ABI2: variants seen among roughly 807,000 people sequenced by gnomAD.
The protein encoded by ABI2 is abelson interactor 2.
Under a neutral mutation model 59.2 loss-of-function variants are expected in ABI2, and 25 were observed. The ratio of observed to expected loss-of-function variants is 0.42; its 90% confidence interval spans 0.31 to 0.59. The LOEUF is 0.59. ABI2 is among the 20% of genes least tolerant of loss of function. ABI2 has a pLI of 0.14. For missense variants in ABI2, 545 were observed against 681.8 expected (o/e 0.80, Z 2.23); for synonymous variants, 213 against 235.5 (o/e 0.90, Z 0.87).
chr2:203,381,081 A>C (rs2153218872), intron 3 of ABI2, among the ~76,000 whole-genome samples: 1 of 152,306 alleles, frequency 6.6e-6, no homozygotes, highest in East Asian at 1.9e-4. Context: ...ACATGCTTAT[A>C]ATGATACTGT....
rs543241755 is a variant in ABI2 at position 203,346,786 on chromosome 2, G to A, written c.117+18155G>A. Among the ~76,000 whole-genome samples the A allele has an allele frequency of 1.6e-4, 25 of 152,298 alleles. No individual in the cohort carries two copies. In the South Asian group the frequency reaches 5.0e-3, roughly 30 times the overall value. The stretch of plus-strand genomic sequence containing the variant: ...AAGAGCAGGGACAAAATAATAACCT[G>A]TGGCCAAAAGGAGGGGATGTGATGT... On this transcript the variant is annotated intron_variant, in intron 1 of 11. Coordinates refer to ENST00000261018, the MANE Select transcript of ABI2 (RefSeq NM_001375670.1).
intron 1 of ABI2, among the ~76,000 whole-genome samples, chr2:203,356,344 A>G (rs2091955325): frequency 6.6e-6 from 1 of 151,962 alleles, no homozygotes; most frequent in Admixed American, 6.6e-5. Flanking sequence ...ACACCAGGCT[A>G]ATTTTTTAAT....
chr2:203,364,250 C>T (rs1207984824), intron 1 of ABI2, among the ~76,000 whole-genome samples: 5 of 151,384 alleles, frequency 3.3e-5, no homozygotes, highest in African/African-American at 7.3e-5. Flanking sequence ...TCTGTCACCA[C>T]ACCCAGCTAA....
chr2:203,395,933 A>T (rs1413097571), intron 7 of ABI2, among the ~76,000 whole-genome samples, 153 bp downstream of exon 7: 1 of 152,174 alleles, frequency 6.6e-6, no homozygotes. Context: ...TTTGTAAGCA[A>T]GTGATTTGTA....
intron 9 of ABI2, among the ~76,000 whole-genome samples, chr2:203,403,647 A>ATC (rs941537465): frequency 2.7e-5 from 4 of 150,578 alleles, no homozygotes; most frequent in African/African-American, 9.8e-5. Flanking sequence ...TCATTTTCTT[A>ATC]TATCTTATAG....
chr2:203,357,001 A>G (rs1477291366), intron 1 of ABI2, among the ~76,000 whole-genome samples: 2 of 151,658 alleles, frequency 1.3e-5, no homozygotes, highest in African/African-American at 4.8e-5. Context: ...AGAAAACTAA[A>G]AAACGATTAC....
At chr2:203,394,661 T>G (rs751443126) in intron 5 of ABI2, 39 bp from the exon 6 acceptor site, 1 of 1,579,810 alleles carries the variant, frequency 6.3e-7, no homozygotes. Context: ...GTGCCGAAAC[T>G]TGCTTAATCA....
Position 203,364,749 on chromosome 2 carries a change from T to TC in ABI2, c.118-2127dup, listed in dbSNP as rs764793924. 8.0e-4 allele frequency among the ~76,000 whole-genome samples: 119 copies of TC among 149,252 alleles called. 1 individual carries two copies. The highest frequency in any genetic ancestry group is 9.8e-4 in the East Asian group (5 of 5,092). ...TATTTTTTTAATTTTTTTTTTTTTTTCAAGAGACAGGGTCTTGCTTTGTTA... is the reference window on the plus strand; with the variant it reads ...TATTTTTTTAATTTTTTTTTTTTTTTCCAAGAGACAGGGTCTTGCTTTGTTA... On this transcript the variant is annotated intron_variant, in intron 1 of 11. Transcript: ENST00000261018.
intron 1 of ABI2, among the ~76,000 whole-genome samples, chr2:203,336,868 C>T (rs1019200127): frequency 2.0e-5 from 3 of 152,160 alleles, no homozygotes; most frequent in African/African-American, 7.2e-5. Context: ...TACAAATTGC[C>T]AAACTCTTTT....
intron 1 of ABI2, among the ~76,000 whole-genome samples, chr2:203,360,902 A>G (rs576334152): frequency 1.3e-5 from 2 of 152,342 alleles, no homozygotes; most frequent in South Asian, 4.1e-4. Flanking sequence ...TTATGAAATC[A>G]GCAAGGACCA....
rs143562294 is a variant in ABI2 at position 203,363,525 on chromosome 2, C to T, written c.118-3352C>T. Among the ~76,000 whole-genome samples, 757 of 152,118 alleles carry T rather than the reference C, an allele frequency of 5.0e-3. 10 individuals are homozygous for T. The highest frequency in any genetic ancestry group is 0.017 in the African/African-American group (718 of 41,490). ...TCTACCTCCTCCTGTCCTACCTCCC[C>T]ACTTTCCCCCTACCCTTCCCATCCT... is the stretch of plus-strand genomic sequence containing the variant. On this transcript the variant is annotated intron_variant, in intron 1 of 11. Transcript: ENST00000261018.
chr2:203,373,162 G>C (rs1357623460), intron 2 of ABI2, among the ~76,000 whole-genome samples: 1 of 152,176 alleles, frequency 6.6e-6, no homozygotes, highest in Non-Finnish European at 1.5e-5. Context: ...CTGCACTCCA[G>C]CCTGGGCACC....
At chr2:203,395,448 T>TATATATATATATACACAC (rs750379504) in intron 6 of ABI2, among the ~76,000 whole-genome samples, 18 of 115,316 alleles carry the variant, frequency 1.6e-4, no homozygotes, top group African/African-American at 3.0e-4. Context: ...TATATATATA[T>TATATATATATATACACAC]ACACACACAC....
intron 1 of ABI2, among the ~76,000 whole-genome samples, chr2:203,331,672 T>C (rs1468762254): frequency 1.3e-5 from 2 of 152,112 alleles, no homozygotes; most frequent in Non-Finnish European, 2.9e-5. Context: ...TTTAGCCTTA[T>C]TATAGCATCA....
intron 1 of ABI2, among the ~76,000 whole-genome samples, chr2:203,346,340 GTT>G (rs2083534414): frequency 6.6e-6 from 1 of 150,396 alleles, no homozygotes; most frequent in African/African-American, 2.5e-5. Context: ...AAAAGACTAT[GTT>G]TGTTTGTTTG....
intron 1 of ABI2, among the ~76,000 whole-genome samples, chr2:203,341,602 C>T (rs994080317): frequency 1.1e-4 from 16 of 151,778 alleles, no homozygotes; most frequent in East Asian, 5.8e-4. Flanking sequence ...AGTAGTGCCT[C>T]GGGAGGCTGA....
chr2:203,355,355 A>AT, intron 1 of ABI2: 1 of 201,214 alleles, frequency 5.0e-6, no homozygotes, highest in South Asian at 8.1e-5. Flanking sequence ...ATAAAATAAA[A>AT]AAAAAAATTA....
intron 11 of ABI2, among the ~76,000 whole-genome samples, chr2:203,417,846 G>C (rs2097967346): frequency 6.6e-6 from 1 of 152,166 alleles, no homozygotes; most frequent in Non-Finnish European, 1.5e-5. Flanking sequence ...TTGAACAACA[G>C]GCACTGGAGA....
intron 1 of ABI2, among the ~76,000 whole-genome samples, chr2:203,359,447 G>GA (rs1370458735): frequency 6.6e-6 from 1 of 152,088 alleles, no homozygotes; most frequent in African/African-American, 2.4e-5. Flanking sequence ...TGCTTAATGT[G>GA]AAAAAATCAA....
Sources: allele counts gnomAD v4.1 joint callset (sites outside exome capture counted in the v4.1 genomes callset), GRCh38; gene constraint gnomAD v4.1.1; transcripts MANE v1.5; gene names NCBI Gene and HGNC (gene_info 2026-07-23, HGNC 2026-07-21).